Variants in VPS13B observed in about 807,000 individuals in gnomAD.
VPS13B encodes the protein intermembrane lipid transfer protein VPS13B.
VPS13B carries 285 observed loss-of-function variants against 426.4 expected under a neutral mutation model. That is an observed-to-expected ratio of 0.67 (90% CI 0.61 to 0.74). The LOEUF is 0.74. Among genes scored for constraint, VPS13B ranks in the 30% least tolerant of loss-of-function variants. The pLI, the probability that VPS13B is intolerant of heterozygous loss-of-function variation, is 0.00. For synonymous variants in VPS13B, 1,676 were observed against 1,676.4 expected (o/e 1.00, Z 0.01); for missense variants, 4,537 against 4,782.6 (o/e 0.95, Z 1.51).
intron 56 of VPS13B, 112 bp downstream of exon 56, chr8:99,854,368 C>A: frequency 1.7e-6 from 2 of 1,163,214 alleles, no homozygotes; most frequent in East Asian, 2.6e-5. Flanking sequence ...AGAGGTGACA[C>A]ACCTGAGCTC....
chr8:99,271,601 G>A (rs1435352087), intron 17 of VPS13B, among the ~76,000 whole-genome samples: 1 of 152,194 alleles, frequency 6.6e-6, no homozygotes, highest in Non-Finnish European at 1.5e-5. Context: ...AACTGCCTGA[G>A]ACTGGGTAAT....
chr8:99,832,666 A>G lies in VPS13B; in HGVS notation c.9614+14A>G, dbSNP rs761116176. ...ATTCTGTACCAGGTATTTTATGTTT[A>G]TATAAATGTCTGTTCTTCTTTGCTT... On this transcript the variant is annotated intron_variant, in intron 52 of 61. Coordinates refer to ENST00000357162, the MANE Select transcript of VPS13B (RefSeq NM_152564.5). The G allele has an allele frequency of 6.2e-7, 1 of 1,612,674 alleles. No homozygotes were observed. The highest frequency in any genetic ancestry group is 1.1e-5 in the South Asian group (1 of 91,008).
At chr8:99,233,033 A>T (rs938773804) in intron 17 of VPS13B, 1 of 1,039,792 alleles carries the variant, frequency 9.6e-7, no homozygotes, top group South Asian at 1.3e-5. Context: ...TGTTTTGCTG[A>T]TGCCTGTGGG....
intron 24 of VPS13B, among the ~76,000 whole-genome samples, chr8:99,476,007 G>A (rs1819670721): frequency 1.3e-5 from 2 of 152,144 alleles, no homozygotes; most frequent in South Asian, 2.1e-4. Context: ...TCACCACCTG[G>A]TGTAACCAAC....
intron 21 of VPS13B, among the ~76,000 whole-genome samples, chr8:99,410,702 A>G (rs556479178): frequency 1.0e-3 from 155 of 152,088 alleles, no homozygotes; most frequent in African/African-American, 3.6e-3. Context: ...TCAAAATGTT[A>G]TCCCTCCCCT....
intron 3 of VPS13B, among the ~76,000 whole-genome samples, chr8:99,057,667 C>A (rs370855218): frequency 6.6e-6 from 1 of 152,112 alleles, no homozygotes; most frequent in East Asian, 1.9e-4. Flanking sequence ...GGGCCTTCAC[C>A]TATATGTCCC....
intron 17 of VPS13B, among the ~76,000 whole-genome samples, chr8:99,226,054 C>T (rs769942259): frequency 2.6e-5 from 4 of 152,080 alleles, no homozygotes; most frequent in Non-Finnish European, 5.9e-5. Context: ...AAGCCATTCT[C>T]CTGCCTCAGC....
chr8:99,465,878 A>G (rs995246758), intron 23 of VPS13B, among the ~76,000 whole-genome samples: 2 of 152,104 alleles, frequency 1.3e-5, no homozygotes, highest in African/African-American at 4.8e-5. Flanking sequence ...ATTGTGAACT[A>G]TGTTGCTAGG....
At chr8:99,233,009 C>T (rs529653351) in intron 17 of VPS13B, 2 of 828,314 alleles carry the variant, frequency 2.4e-6, no homozygotes, top group Non-Finnish European at 4.1e-6. Flanking sequence ...GTTGGAAGGG[C>T]TCCATTCATC....
At chr8:99,633,380 T>C (rs1425875855) in intron 33 of VPS13B, among the ~76,000 whole-genome samples, 1 of 152,008 alleles carries the variant, frequency 6.6e-6, no homozygotes, top group Non-Finnish European at 1.5e-5. Flanking sequence ...ATAGGCTCGG[T>C]AAACTTTCAT....
intron 21 of VPS13B, among the ~76,000 whole-genome samples, chr8:99,414,027 T>G (rs930139167): frequency 6.6e-5 from 10 of 152,122 alleles, no homozygotes; most frequent in African/African-American, 2.4e-4. Flanking sequence ...GACAATGGGG[T>G]GTTAAAGTGT....
At chr8:99,474,168 A>C (rs188185531) in intron 24 of VPS13B, among the ~76,000 whole-genome samples, 7 of 144,112 alleles carry the variant, frequency 4.9e-5, no homozygotes, top group Admixed American at 4.1e-4. Flanking sequence ...TCTTCAAACA[A>C]TGGACTGTTA....
At chr8:99,767,074 G>T in intron 40 of VPS13B, 104 bp downstream of exon 40, 1 of 1,110,738 alleles carries the variant, frequency 9.0e-7, no homozygotes. Context: ...CAGCTGTCTA[G>T]CAGCTGCATC....
intron 24 of VPS13B, among the ~76,000 whole-genome samples, chr8:99,470,307 C>G (rs900306771): frequency 2.6e-5 from 4 of 152,062 alleles, no homozygotes; most frequent in African/African-American, 7.2e-5. Flanking sequence ...ATTGACTACC[C>G]CCACATAAAT....
intron 29 of VPS13B, among the ~76,000 whole-genome samples, chr8:99,516,190 C>G (rs928105124): frequency 6.6e-6 from 1 of 152,080 alleles, no homozygotes; most frequent in Non-Finnish European, 1.5e-5. Flanking sequence ...TTTAAATAAT[C>G]ATAATTCACC....
chr8:99,086,301 C>G (rs957886491), intron 3 of VPS13B, among the ~76,000 whole-genome samples: 41 of 152,152 alleles, frequency 2.7e-4, no homozygotes, highest in Non-Finnish European at 2.4e-4. Context: ...CCTTGGTTTT[C>G]AGCTCCATCA....
intron 19 of VPS13B, among the ~76,000 whole-genome samples, chr8:99,349,935 T>A (rs781407833): frequency 6.6e-6 from 1 of 152,192 alleles, no homozygotes; most frequent in Non-Finnish European, 1.5e-5. Context: ...TTAACCATCA[T>A]AGAGCATATG....
chr8:99,324,960 A>G (rs1470811140), intron 19 of VPS13B, among the ~76,000 whole-genome samples: 4 of 152,136 alleles, frequency 2.6e-5, no homozygotes, highest in Non-Finnish European at 5.9e-5. Context: ...TATCTTTTAG[A>G]TAAAATCTGA....
At chr8:99,832,211 G>A (rs535703233) in intron 51 of VPS13B, among the ~76,000 whole-genome samples, 158 bp from the exon 52 acceptor site, 15 of 150,640 alleles carry the variant, frequency 1.0e-4, no homozygotes, top group Admixed American at 2.0e-4. Context: ...GCAGTGAGCC[G>A]AGATGGTGCC....
Sources: allele counts gnomAD v4.1 joint callset (sites outside exome capture counted in the v4.1 genomes callset), GRCh38; gene constraint gnomAD v4.1.1; transcripts MANE v1.5; gene names NCBI Gene and HGNC (gene_info 2026-07-23, HGNC 2026-07-21).